The following ABHD12 variants were observed in gnomAD, a reference collection of about 807,000 sequenced individuals.
ABHD12 encodes lysophosphatidylserine lipase ABHD12.
ABHD12 carries 43 observed loss-of-function variants against 58.3 expected under a neutral mutation model. The observed-to-expected ratio is 0.74, with a 90% confidence interval of 0.58 to 0.95. The LOEUF (loss-of-function observed/expected upper bound fraction) is 0.95, where lower values mean the gene tolerates loss of function less well. Ranked by LOEUF, ABHD12 falls within the 40% of genes least tolerant of loss-of-function variation. The pLI, the probability that ABHD12 is intolerant of heterozygous loss-of-function variation, is 0.00. For missense variants in ABHD12, 539 were observed against 537.2 expected (o/e 1.00, Z -0.03); for synonymous variants, 219 against 211.2 (o/e 1.04, Z -0.32).
At chr20:25,337,042 G>C (rs949394316) in intron 2 of ABHD12, among the ~76,000 whole-genome samples, 8 of 152,168 alleles carry the variant, frequency 5.3e-5, no homozygotes, top group African/African-American at 1.7e-4. Flanking sequence ...CAGGAGGATT[G>C]TTTGAGCCCA....
intron 1 of ABHD12, among the ~76,000 whole-genome samples, chr20:25,364,296 G>A (rs181129989): frequency 7.0e-4 from 107 of 152,338 alleles, no homozygotes; most frequent in African/African-American, 2.5e-3. Flanking sequence ...AGGAATACCT[G>A]AGGCTAGGTA....
At chr20:25,310,739 GGACA>G (rs984140547) in intron 6 of ABHD12, among the ~76,000 whole-genome samples, 36 of 151,958 alleles carry the variant, frequency 2.4e-4, no homozygotes, top group African/African-American at 3.6e-4. Context: ...AGACTGACAG[GGACA>G]GACAGACAGG....
At chr20:25,368,833 T>C in intron 1 of ABHD12, 1 of 538,390 alleles carries the variant, frequency 1.9e-6, no homozygotes, top group Non-Finnish European at 3.5e-6. Flanking sequence ...AAAAAAATTA[T>C]TAGCCATCCT....
intron 1 of ABHD12, among the ~76,000 whole-genome samples, chr20:25,343,161 G>T (rs766074162): frequency 6.6e-5 from 10 of 152,146 alleles, no homozygotes; most frequent in Non-Finnish European, 1.2e-4. Context: ...ACTCACGTAA[G>T]AAATAGACAA....
rs1441794993 is a variant in ABHD12 at position 25,323,336 on chromosome 20, G to A, written c.411C>T (p.Thr137=). The change falls in exon 3 of 13, where the codon ACC becomes ACT. Residue 137 remains threonine (T), a synonymous_variant. Coordinates refer to ENST00000339157, the MANE Select transcript of ABHD12 (RefSeq NM_001042472.3). ...NYYLQPEEDV[T]IGVWHTVPAV... ...TCACTGGCACTCACCAGACTCCAAT[G>A]GTCACGTCTTCCTCTGGCTGCAGGT... 3.7e-6 allele frequency: 6 copies of A among 1,612,768 alleles called. No individual in the cohort carries two copies. The highest frequency in any genetic ancestry group is 2.7e-5 in the African/African-American group (2 of 74,904).
chr20:25,330,785 A>G (rs544677546), intron 2 of ABHD12, among the ~76,000 whole-genome samples: 2 of 152,324 alleles, frequency 1.3e-5, no homozygotes, highest in Non-Finnish European at 2.9e-5. Flanking sequence ...AACAAACAGA[A>G]AGGACATCCA....
Position 25,300,462 on chromosome 20 carries a change from TGGGTGGTGCCAAA to T in ABHD12, c.*370_*382del. The T allele has an allele frequency of 8.2e-7, 1 of 1,218,570 alleles. No homozygotes were observed. Among genetic ancestry groups the T allele is most frequent in the Non-Finnish European group, 1.0e-6 (1 of 964,366 alleles). The allele number at this position is 1,218,570 out of a possible 1,614,324, so 75.5% of individuals were successfully genotyped here. A position where few individuals can be genotyped will look rare whatever the true frequency, so the allele number is the denominator to read the frequency against. Reference sequence around the variant, plus strand: ...AAGAACCTGGACCCCACGTTCTCTGTGGGTGGTGCCAAAAAGCTCAGCATGGTCCCGAGCCCCA... The same window carrying T: ...AAGAACCTGGACCCCACGTTCTCTGTAAGCTCAGCATGGTCCCGAGCCCCA... On this transcript the variant is annotated 3_prime_UTR_variant, in exon 13 of 13. Transcript: ENST00000339157.
At chr20:25,295,524 C>T (rs2088527512), downstream of ABHD12, 2 of 1,494,498 alleles carry the variant, frequency 1.3e-6, no homozygotes, top group Admixed American at 1.7e-5. Flanking sequence ...GCCTGGCCTC[C>T]TGCCCTGGGA....
At chr20:25,340,267 G>A (rs761074519) in intron 1 of ABHD12, among the ~76,000 whole-genome samples, 11 of 152,048 alleles carry the variant, frequency 7.2e-5, no homozygotes, top group Non-Finnish European at 1.0e-4. Flanking sequence ...AACAATATTT[G>A]TTATGAAAAA....
downstream of ABHD12, chr20:25,297,037 C>G (rs200500134): frequency 6.2e-6 from 1 of 162,342 alleles, no homozygotes; most frequent in Admixed American, 5.7e-5. Flanking sequence ...CGGGAGGGGT[C>G]GGATCCTCTA....
intron 4 of ABHD12, among the ~76,000 whole-genome samples, 192 bp downstream of exon 4, chr20:25,320,007 C>T (rs527916990): frequency 6.6e-6 from 1 of 152,368 alleles, no homozygotes; most frequent in East Asian, 1.9e-4. Context: ...ACTCCGCCTT[C>T]CCTCAACCCC....
chr20:25,373,496 G>A (rs912029847), intron 1 of ABHD12, among the ~76,000 whole-genome samples: 3 of 151,952 alleles, frequency 2.0e-5, no homozygotes, highest in African/African-American at 7.3e-5. Context: ...GCAGTGAGCA[G>A]AGATTGTGCC....
chr20:25,346,097 G>C (rs2089514421), intron 1 of ABHD12, among the ~76,000 whole-genome samples: 1 of 152,042 alleles, frequency 6.6e-6, no homozygotes, highest in South Asian at 2.1e-4. Flanking sequence ...AAATAAACTG[G>C]TACATCCGGA....
intron 1 of ABHD12, among the ~76,000 whole-genome samples, chr20:25,369,781 C>A (rs2089874311): frequency 6.6e-6 from 1 of 152,112 alleles, no homozygotes; most frequent in Non-Finnish European, 1.5e-5. Flanking sequence ...GGAGCTCTGG[C>A]CAGGCATGGT....
intron 6 of ABHD12, among the ~76,000 whole-genome samples, chr20:25,313,114 A>T (rs543605304): frequency 6.6e-6 from 1 of 152,416 alleles, no homozygotes; most frequent in African/African-American, 2.4e-5. Flanking sequence ...ACGGGCCATG[A>T]TGACGATGGC....
chr20:25,365,944 T>C (rs1018899106), intron 1 of ABHD12, among the ~76,000 whole-genome samples: 2 of 152,004 alleles, frequency 1.3e-5, no homozygotes, highest in Middle Eastern at 3.2e-3. Context: ...GGAGGCTGAG[T>C]TGGGAGGACT....
intron 1 of ABHD12, among the ~76,000 whole-genome samples, chr20:25,388,698 A>G (rs138617854): frequency 1.3e-5 from 2 of 152,198 alleles, no homozygotes; most frequent in Non-Finnish European, 2.9e-5. Flanking sequence ...ATAAAAATTA[A>G]TCGGGTAATT....
At chr20:25,301,480 G>C (rs867812833) in intron 12 of ABHD12, among the ~76,000 whole-genome samples, 2 of 152,228 alleles carry the variant, frequency 1.3e-5, no homozygotes, top group African/African-American at 2.4e-5. Flanking sequence ...CGTGGGTCCA[G>C]TGCTTAGGGT....
chr20:25,370,116 C>G (rs1345813079), intron 1 of ABHD12, among the ~76,000 whole-genome samples: 1 of 152,148 alleles, frequency 6.6e-6, no homozygotes, highest in Non-Finnish European at 1.5e-5. Context: ...TGGACCCAAA[C>G]ACACTCATCC....
Sources: gnomAD v4.1 joint callset for allele counts (sites outside exome capture counted in the v4.1 genomes callset) on GRCh38, gnomAD v4.1.1 for gene constraint, MANE v1.5 for transcripts, NCBI Gene and HGNC (gene_info 2026-07-23, HGNC 2026-07-21) for gene names.